The following FRMD4B variants were observed in gnomAD, a reference collection of about 807,000 sequenced individuals.
FRMD4B encodes the protein FERM domain containing 4B.
Under a neutral mutation model 141.5 loss-of-function variants are expected in FRMD4B, and 74 were observed. The observed-to-expected ratio is 0.52, with a 90% confidence interval of 0.43 to 0.63. The LOEUF (loss-of-function observed/expected upper bound fraction) is 0.63. Ranked by LOEUF, FRMD4B falls within the 30% of genes least tolerant of loss-of-function variation. FRMD4B has a pLI of 0.00. For missense variants in FRMD4B, 1,366 were observed against 1,253.4 expected (o/e 1.09, Z -1.36); for synonymous variants, 506 against 467.9 (o/e 1.08, Z -1.05).
In FRMD4B at chr3:69,181,431, A is replaced by G; in HGVS notation, c.2319T>C (p.Thr773=). The change falls in exon 21 of 23, where the codon ACT becomes ACC. Residue 773 remains threonine (T), a synonymous_variant. Transcript: ENST00000398540. ...GGTTGGGCATGCTTCCTGAATTTGA[A>G]GTAGAAACATTCTGTTTCTTTGACC... is the stretch of plus-strand genomic sequence containing the variant. ...RRRSKKQNVS[T]SNSGSMPNLA... is the part of the protein sequence containing the mutation. The G allele has an allele frequency of 6.2e-7, 1 of 1,613,938 alleles. No individual in the cohort carries two copies. The highest frequency in any genetic ancestry group is 2.2e-5 in the East Asian group (1 of 44,878).
chr3:69,469,895 T>C (rs1173836661), intron 1 of FRMD4B, among the ~76,000 whole-genome samples: 2 of 152,218 alleles, frequency 1.3e-5, no homozygotes, highest in African/African-American at 4.8e-5. Flanking sequence ...CAGGGTCAAG[T>C]ACCTTGTTTC....
chr3:69,541,080 C>A (rs1462064045), intron 1 of FRMD4B: 1 of 152,134 alleles, frequency 6.6e-6, no homozygotes, highest in Non-Finnish European at 1.5e-5. Flanking sequence ...GGACGGGAAA[C>A]AGCACGTCGG....
At chr3:69,226,358 G>A (rs532152418) in intron 7 of FRMD4B, among the ~76,000 whole-genome samples, 1 of 151,174 alleles carries the variant, frequency 6.6e-6, no homozygotes, top group Non-Finnish European at 1.5e-5. Flanking sequence ...AAGGTCAACT[G>A]TCAACTCCCA....
chr3:69,329,664 A>C (rs990196483), intron 1 of FRMD4B, among the ~76,000 whole-genome samples: 1 of 150,894 alleles, frequency 6.6e-6, no homozygotes, highest in Non-Finnish European at 1.5e-5. Context: ...AGTAGCTGGG[A>C]TTACAGGCGC....
intron 6 of FRMD4B, among the ~76,000 whole-genome samples, chr3:69,249,505 T>C (rs1314258799): frequency 1.3e-5 from 2 of 152,236 alleles, no homozygotes; most frequent in African/African-American, 2.4e-5. Flanking sequence ...TTTCTCACTG[T>C]ACGTTTTTAA....
intron 11 of FRMD4B, among the ~76,000 whole-genome samples, chr3:69,206,011 G>A (rs906917402): frequency 4.6e-5 from 7 of 152,116 alleles, no homozygotes; most frequent in South Asian, 2.1e-4. Context: ...AATGGTATAC[G>A]CTGTGGTAGT....
At chr3:69,397,127 T>C (rs960757282) in intron 2 of FRMD4B, among the ~76,000 whole-genome samples, 4 of 152,112 alleles carry the variant, frequency 2.6e-5, no homozygotes, top group African/African-American at 9.7e-5. Flanking sequence ...CATCACTTGA[T>C]GAGTGGATAT....
chr3:69,429,545 A>T (rs1013183754), intron 2 of FRMD4B, among the ~76,000 whole-genome samples: 2 of 152,162 alleles, frequency 1.3e-5, no homozygotes, highest in Non-Finnish European at 2.9e-5. Context: ...CCCTGATTTG[A>T]TCATTACTCA....
At chr3:69,422,118 G>C (rs770553869) in intron 2 of FRMD4B, among the ~76,000 whole-genome samples, 1 of 152,154 alleles carries the variant, frequency 6.6e-6, no homozygotes, top group Admixed American at 6.5e-5. Context: ...GGCCGGGCGT[G>C]GTGGCCCATG....
chr3:69,516,634 C>T (rs568095486), intron 1 of FRMD4B, among the ~76,000 whole-genome samples: 30 of 152,176 alleles, frequency 2.0e-4, no homozygotes, highest in Non-Finnish European at 3.4e-4. Flanking sequence ...AATAAATTTG[C>T]GCTTGTATTA....
intron 1 of FRMD4B, among the ~76,000 whole-genome samples, chr3:69,344,866 A>T (rs1702877703): frequency 6.6e-6 from 1 of 152,194 alleles, no homozygotes; most frequent in Admixed American, 6.5e-5. Flanking sequence ...CAGTTCCAAG[A>T]TGGCTGAACA....
intron 1 of FRMD4B, among the ~76,000 whole-genome samples, chr3:69,526,729 A>T (rs917571186): frequency 6.6e-6 from 1 of 152,198 alleles, no homozygotes; most frequent in Non-Finnish European, 1.5e-5. Flanking sequence ...TCCCGAGAAC[A>T]TAACAGGCAC....
At chr3:69,491,208 T>G (rs1005719845) in intron 1 of FRMD4B, among the ~76,000 whole-genome samples, 3 of 152,150 alleles carry the variant, frequency 2.0e-5, no homozygotes, top group African/African-American at 7.2e-5. Flanking sequence ...CGAGAAGCCA[T>G]GCAGCGATTA....
chr3:69,286,782 T>C (rs1700702795), intron 5 of FRMD4B, among the ~76,000 whole-genome samples: 1 of 152,174 alleles, frequency 6.6e-6, no homozygotes. Context: ...AACAAAAAAC[T>C]GAGAGTGTTT....
chr3:69,481,225 C>T (rs555225643), intron 1 of FRMD4B, among the ~76,000 whole-genome samples: 6 of 152,072 alleles, frequency 3.9e-5, no homozygotes, highest in East Asian at 3.9e-4. Flanking sequence ...CACTGTCCTG[C>T]GCCCACTGTC....
intron 11 of FRMD4B, among the ~76,000 whole-genome samples, chr3:69,209,014 T>C (rs1355567664): frequency 6.6e-6 from 1 of 151,834 alleles, no homozygotes; most frequent in Admixed American, 6.6e-5. Context: ...CGTGGTGGCG[T>C]GCGCCTGTAG....
chr3:69,295,951 G>A (rs1701023032), intron 4 of FRMD4B, among the ~76,000 whole-genome samples: 1 of 152,070 alleles, frequency 6.6e-6, no homozygotes, highest in East Asian at 1.9e-4. Context: ...CGCGTAGCTG[G>A]GACTACAGGT....
chr3:69,382,259 C>T (rs1040648734), intron 1 of FRMD4B, among the ~76,000 whole-genome samples: 10 of 152,140 alleles, frequency 6.6e-5, no homozygotes, highest in African/African-American at 2.4e-4. Flanking sequence ...AGGCTGGTCT[C>T]GAACTCGTAA....
At chr3:69,383,405 G>A (rs1040297648) in intron 1 of FRMD4B, among the ~76,000 whole-genome samples, 1 of 152,108 alleles carries the variant, frequency 6.6e-6, no homozygotes, top group East Asian at 1.9e-4. Flanking sequence ...ATTAAACTTA[G>A]AGATCATTTT....
Sources: gnomAD v4.1 joint callset for allele counts (sites outside exome capture counted in the v4.1 genomes callset) on GRCh38, gnomAD v4.1.1 for gene constraint, MANE v1.5 for transcripts, NCBI Gene and HGNC (gene_info 2026-07-23, HGNC 2026-07-21) for gene names.